ITPR2: variants seen among roughly 807,000 people sequenced by gnomAD.
ITPR2 encodes the protein inositol 1,4,5-trisphosphate receptor type 2.
In ITPR2, 207 loss-of-function variants were observed where a neutral mutation model predicts 317.1. The observed-to-expected ratio is 0.65, with a 90% CI of 0.58 to 0.73. The LOEUF is 0.73. Among genes scored for constraint, ITPR2 ranks in the 30% least tolerant of loss-of-function variants. The pLI, the probability that ITPR2 is intolerant of heterozygous loss-of-function variation, is 0.00. For synonymous variants in ITPR2, 1,156 were observed against 1,149.1 expected, an observed-to-expected ratio of 1.01 and a Z score of -0.12; for missense variants, 2,613 against 3,284.0, an observed-to-expected ratio of 0.80 and a Z score of 4.99.
intron 37 of ITPR2, among the ~76,000 whole-genome samples, chr12:26,528,666 A>G (rs1178870983): frequency 6.6e-6 from 1 of 152,198 alleles, no homozygotes; most frequent in African/African-American, 2.4e-5. Flanking sequence ...TGCTGTCATC[A>G]AGAAGCTCAG....
In ITPR2 at chr12:26,832,888, C is replaced by T. The variant is rs577112246; in HGVS notation, c.-107G>A. On this transcript the variant is annotated 5_prime_UTR_variant, in exon 1 of 57. Transcript: ENST00000381340. Reference sequence around the variant, plus strand: ...AGCGGATCGGATCGCGGGACTACAGCGGCCAAGAGCCGCGGCGGAGGGCAC... The same window carrying T: ...AGCGGATCGGATCGCGGGACTACAGTGGCCAAGAGCCGCGGCGGAGGGCAC... 2.0e-5 allele frequency: 17 copies of T among 839,918 alleles called. No homozygotes were observed. In the African/African-American group the frequency reaches 2.1e-4, roughly 11 times the overall value. 52.0% of individuals were successfully genotyped at this position (839,918 alleles called of 1,614,324 possible).
intron 2 of ITPR2, among the ~76,000 whole-genome samples, chr12:26,734,383 A>G (rs1458480564): frequency 6.6e-6 from 1 of 152,140 alleles, no homozygotes; most frequent in Non-Finnish European, 1.5e-5. Flanking sequence ...CCTTGCTGAA[A>G]TTATCCTACA....
chr12:26,479,602 GCTGACTATC>G (rs1239836424), intron 43 of ITPR2, among the ~76,000 whole-genome samples: 1 of 152,172 alleles, frequency 6.6e-6, no homozygotes, highest in Non-Finnish European at 1.5e-5. Flanking sequence ...TTGAATTTAA[GCTGACTATC>G]TTACAGGCCT....
chr12:26,805,423 T>C (rs1340171055), intron 1 of ITPR2, among the ~76,000 whole-genome samples: 12 of 152,248 alleles, frequency 7.9e-5, no homozygotes, highest in South Asian at 4.1e-4. Context: ...TCAGTAATGA[T>C]TGGCTATCGC....
chr12:26,598,449 C>T (rs1945906709), intron 30 of ITPR2, among the ~76,000 whole-genome samples: 1 of 152,122 alleles, frequency 6.6e-6, no homozygotes, highest in South Asian at 2.1e-4. Flanking sequence ...CCAAATGGGC[C>T]ACTAGAGAAC....
In ITPR2 at chr12:26,599,270, C is replaced by G; in HGVS notation, c.3877G>C (p.Val1293Leu). ...TCAATGCAGTGCACAAAGTGTTGTA[C>G]AACTCTCTCGCTAATTTCGTTGCAC... ...HLCNEISERV[V>L]QHFVHCIETH... The change falls in exon 30 of 57, where the codon GTA becomes CTA. Residue 1293 changes from valine (V) to leucine (L), a missense_variant. Val to Leu is a conservative substitution (Grantham distance 32, BLOSUM62 1). Transcript: ENST00000381340. The G allele has an allele frequency of 6.2e-7, 1 of 1,614,074 alleles. No homozygotes were observed. Among genetic ancestry groups the G allele is most frequent in the Non-Finnish European group, 8.5e-7 (1 of 1,179,952 alleles).
At chr12:26,576,454 T>C (rs56314457) in intron 34 of ITPR2, among the ~76,000 whole-genome samples, 16,758 of 152,284 alleles carry the variant, frequency 0.11, 1,285 homozygotes, top group Non-Finnish European at 0.16. Flanking sequence ...CCTCTTCCTG[T>C]ACCTCTTCAC....
chr12:26,663,366 T>C (rs1467355840), intron 15 of ITPR2, among the ~76,000 whole-genome samples: 1 of 152,180 alleles, frequency 6.6e-6, no homozygotes, highest in Non-Finnish European at 1.5e-5. Flanking sequence ...GTACCTCACA[T>C]GTTCCTCAAG....
intron 45 of ITPR2, among the ~76,000 whole-genome samples, chr12:26,469,206 T>C (rs536605280): frequency 6.6e-6 from 1 of 152,318 alleles, no homozygotes; most frequent in East Asian, 1.9e-4. Flanking sequence ...CATCTTTCCA[T>C]CTTAGAAACT....
rs915692036 is a variant in ITPR2 at position 26,411,400 on chromosome 12, A to C, written c.7319T>G (p.Val2440Gly). ...CATGGTAGTTAAAGTCATAGTAGGC[A>C]CTTGATGACTGCCTAAGAAAATACA... is the stretch of plus-strand genomic sequence containing the variant. ...NRTPVTGSHQ[V>G]PTMTLTTMME... The change falls in exon 52 of 57, where the codon GTG (valine) becomes GGG (glycine). Residue 2440 changes from valine to glycine, a missense_variant. This residue lies in a region of ITPR2 where 113 missense variants were observed against 129.2 expected (regional missense o/e 0.87). Coordinates refer to ENST00000381340, the MANE Select transcript of ITPR2 (RefSeq NM_002223.4). 4.3e-6 allele frequency: 7 copies of C among 1,610,816 alleles called. No individual in the cohort carries two copies. Among genetic ancestry groups the C allele is most frequent in the South Asian group, 2.2e-5 (2 of 91,040 alleles).
chr12:26,363,330 C>T (rs576315590), intron 55 of ITPR2, among the ~76,000 whole-genome samples: 1 of 152,240 alleles, frequency 6.6e-6, no homozygotes, highest in African/African-American at 2.4e-5. Flanking sequence ...GCACATGGCT[C>T]CCACTGATTG....
At position 26,793,502 on chromosome 12, in the gene ITPR2, A is replaced by AT. The variant is rs575520792; in HGVS notation, c.93-3276dup. ...GGAGGATCTGCTCTGCACTCCCACA[A>AT]TACTCTAGGCTATCCTCTACCAATA... On this transcript the variant is annotated intron_variant, in intron 1 of 56. Transcript: ENST00000381340. Among the ~76,000 whole-genome samples, 234 of 152,272 alleles carry AT rather than the reference A, an allele frequency of 1.5e-3. 1 individual carries two copies. Among genetic ancestry groups the AT allele is most frequent in the African/African-American group, 5.3e-3 (220 of 41,564 alleles).
At position 26,715,311 on chromosome 12, in the gene ITPR2, G is replaced by A; in HGVS notation, c.843C>T (p.Leu281=). ...SATSATSSKA[L]WEIEVVHHDP... ...AACATTTACATACCTCTATTTCCCAGAGTGCTTTAGAACTAGTAGCAGAAG... is the reference window on the plus strand; with the variant it reads ...AACATTTACATACCTCTATTTCCCAAAGTGCTTTAGAACTAGTAGCAGAAG... The change falls in exon 8 of 57, where the codon CTC becomes CTT. Residue 281 remains leucine, a synonymous_variant. Transcript: ENST00000381340. 1 of 1,611,870 alleles carries A rather than the reference G, an allele frequency of 6.2e-7. No individual in the cohort carries two copies. The highest frequency in any genetic ancestry group is 8.5e-7 in the Non-Finnish European group (1 of 1,178,906).
chr12:26,538,615 C>T (rs1264831001), intron 37 of ITPR2, among the ~76,000 whole-genome samples: 1 of 151,500 alleles, frequency 6.6e-6, no homozygotes, highest in Admixed American at 6.6e-5. Context: ...CTCACTCTGT[C>T]ACCGAGGCTG....
Position 26,663,837 on chromosome 12 carries a change from T to C in ITPR2, c.1561A>G (p.Ile521Val). ...TTCTCTTTAAAGGGTGCTTTAAGAA[T>C]TCCAAATACCTATCAGGAATAAAAA... ...EQNILAQVFG[I>V]LKAPFKEKAG... is the part of the protein sequence containing the mutation. Residue 521 changes from isoleucine (I) to valine (V), a missense_variant, in exon 15 of 57, where the codon ATT (isoleucine) becomes GTT (valine). Physicochemically the swap from Ile to Val is conservative, Grantham distance 29. This residue lies in a region of ITPR2 where 515 missense variants were observed against 789.4 expected (regional missense o/e 0.65). Transcript: ENST00000381340. The C allele has an allele frequency of 1.2e-6, 2 of 1,609,104 alleles. No individual in the cohort carries two copies. Among genetic ancestry groups the C allele is most frequent in the Non-Finnish European group, 1.7e-6 (2 of 1,178,670 alleles).
chr12:26,556,566 T>TTTTTGTG (rs370599538), intron 35 of ITPR2, among the ~76,000 whole-genome samples, 191 bp from the exon 36 acceptor site: 46 of 136,268 alleles, frequency 3.4e-4, no homozygotes, highest in African/African-American at 6.2e-4. Flanking sequence ...ATTTTTTTTT[T>TTTTTGTG]TGTGTGTGTG....
At chr12:26,601,372 C>T (rs1307196182) in intron 28 of ITPR2, among the ~76,000 whole-genome samples, 1 of 152,170 alleles carries the variant, frequency 6.6e-6, no homozygotes, top group African/African-American at 2.4e-5. Context: ...AACTTTGCTC[C>T]TAAATACCAT....
chr12:26,497,538 AG>A (rs1321832287), intron 37 of ITPR2, among the ~76,000 whole-genome samples: 1 of 256 alleles, frequency 3.9e-3, no homozygotes, highest in Non-Finnish European at 8.5e-3. Context: ...CCCACCCTCA[AG>A]AGTTACAATG....
intron 19 of ITPR2, 90 bp from the exon 20 acceptor site, chr12:26,655,942 C>T: frequency 7.7e-7 from 1 of 1,292,100 alleles, no homozygotes; most frequent in Non-Finnish European, 1.1e-6. Context: ...GGTGCATAAT[C>T]TTGGATAAAT....
Sources: gnomAD v4.1 joint callset for allele counts (sites outside exome capture counted in the v4.1 genomes callset) on GRCh38, gnomAD v4.1.1 for gene constraint, gnomAD v4.1.1 regional missense constraint, MANE v1.5 for transcripts, NCBI Gene and HGNC (gene_info 2026-07-23, HGNC 2026-07-21) for gene names.